Variants in UNC5C observed in about 807,000 individuals in gnomAD.
The protein encoded by UNC5C is netrin receptor UNC5C.
In UNC5C, 47 loss-of-function variants were observed where a neutral mutation model predicts 99.8. The ratio of observed to expected loss-of-function variants is 0.47; its 90% CI spans 0.37 to 0.60. UNC5C has a LOEUF of 0.60. UNC5C is among the 20% of genes least tolerant of loss of function. The probability of loss-of-function intolerance (pLI) is 0.00; values close to 1 mark genes in which losing one functional copy is unlikely to be tolerated. For synonymous variants in UNC5C, 487 were observed against 452.2 expected (o/e 1.08, Z -0.98); for missense variants, 1,062 against 1,165.9 (o/e 0.91, Z 1.30).
intron 2 of UNC5C, among the ~76,000 whole-genome samples, chr4:95,313,905 C>CT (rs1459470742): frequency 5.9e-5 from 9 of 152,174 alleles, no homozygotes; most frequent in Non-Finnish European, 1.3e-4. Context: ...TATTGGCTGA[C>CT]TTTTGGCAAA....
intron 3 of UNC5C, among the ~76,000 whole-genome samples, chr4:95,286,247 G>C (rs1741230952): frequency 1.3e-5 from 2 of 152,134 alleles, no homozygotes; most frequent in Non-Finnish European, 2.9e-5. Flanking sequence ...ATAATTGAAG[G>C]TGATGTTTCA....
chr4:95,361,081 G>A (rs951341391), intron 1 of UNC5C, among the ~76,000 whole-genome samples: 1 of 152,222 alleles, frequency 6.6e-6, no homozygotes, highest in East Asian at 1.9e-4. Context: ...GTTTGAGAGA[G>A]CAATGGATTG....
intron 1 of UNC5C, among the ~76,000 whole-genome samples, chr4:95,530,244 T>C (rs1030035330): frequency 1.3e-5 from 2 of 152,174 alleles, no homozygotes; most frequent in Admixed American, 1.3e-4. Flanking sequence ...ATGATTGACT[T>C]TTCCATTTGT....
At chr4:95,273,451 T>A (rs546258666) in intron 4 of UNC5C, among the ~76,000 whole-genome samples, 1 of 152,360 alleles carries the variant, frequency 6.6e-6, no homozygotes, top group Non-Finnish European at 1.5e-5. Flanking sequence ...TAACATTTTC[T>A]AGGCATAAAA....
At chr4:95,291,417 C>T (rs532344436) in intron 3 of UNC5C, among the ~76,000 whole-genome samples, 1 of 152,306 alleles carries the variant, frequency 6.6e-6, no homozygotes, top group African/African-American at 2.4e-5. Flanking sequence ...ATAAACTTCA[C>T]TTTTCATACA....
chr4:95,315,439 G>T (rs1742438656), intron 2 of UNC5C, among the ~76,000 whole-genome samples: 1 of 152,118 alleles, frequency 6.6e-6, no homozygotes, highest in African/African-American at 2.4e-5. Flanking sequence ...AGAAAAAAAA[G>T]AAAAATGATT....
At chr4:95,229,422 G>A (rs1035374100) in intron 7 of UNC5C, among the ~76,000 whole-genome samples, 20 of 152,026 alleles carry the variant, frequency 1.3e-4, no homozygotes, top group African/African-American at 4.6e-4. Flanking sequence ...GATGGTTTCC[G>A]GCTTCATTCA....
rs997087863 is a variant in UNC5C at position 95,167,614 on chromosome 4, G to T, written c.*1620C>A. ...ACAGAATTTGCAACCAGTCAGGAAG[G>T]CTGGGGGCAGGGGCATCCCAAGAGA... is the stretch of plus-strand genomic sequence containing the variant. On this transcript the variant is annotated 3_prime_UTR_variant, in exon 16 of 16. Coordinates refer to ENST00000453304, the MANE Select transcript of UNC5C (RefSeq NM_003728.4). 6.6e-6 allele frequency: 1 copy of T among 152,198 alleles called. No individual in the cohort carries two copies. The highest frequency in any genetic ancestry group is 1.5e-5 in the Non-Finnish European group (1 of 68,060). 9.4% of individuals were successfully genotyped at this position (152,198 alleles called of 1,614,324 possible). A position where few individuals can be genotyped will look rare whatever the true frequency, so the allele number is the denominator to read the frequency against.
chr4:95,242,445 A>C lies in UNC5C; in HGVS notation c.1092T>G (p.Asp364Glu). Reference sequence around the variant, plus strand: ...TTGACTTACTCTGCATGCAAAGCCCATCAGTGCAGTTCTTGGATTGCAAGA... The same window carrying C: ...TTGACTTACTCTGCATGCAAAGCCCCTCAGTGCAGTTCTTGGATTGCAAGA... ...GLVLQSKNCT[D>E]GLCMQTAPDS... The change falls in exon 7 of 16, where the codon GAT becomes GAG. Residue 364 changes from aspartate (D) to glutamate (E), a missense_variant. Asp to Glu is a conservative substitution (Grantham distance 45). Transcript: ENST00000453304. The C allele has an allele frequency of 1.2e-6, 2 of 1,614,112 alleles. No individual in the cohort carries two copies. Among genetic ancestry groups the C allele is most frequent in the South Asian group, 2.2e-5 (2 of 91,070 alleles).
intron 1 of UNC5C, among the ~76,000 whole-genome samples, chr4:95,390,238 T>A (rs1266004490): frequency 1.3e-5 from 2 of 152,164 alleles, no homozygotes; most frequent in African/African-American, 4.8e-5. Flanking sequence ...AGCCAGGATT[T>A]GTTAAGATGC....
In UNC5C at chr4:95,348,801, T is replaced by C. The variant is rs113187115; in HGVS notation, c.125-13170A>G. Among the ~76,000 whole-genome samples, 350 of 151,684 alleles carry C rather than the reference T, an allele frequency of 2.3e-3. 2 individuals carry two copies. The highest frequency in any genetic ancestry group is 8.0e-3 in the African/African-American group (331 of 41,438). ...TATTTAGTTATAAAAAAAGACTGTT[T>C]CTGTCATTTGCAAAAACACAGGTGG... On this transcript the variant is annotated intron_variant, in intron 1 of 15. Transcript: ENST00000453304.
chr4:95,289,462 A>G (rs1741363326), intron 3 of UNC5C, among the ~76,000 whole-genome samples: 1 of 152,334 alleles, frequency 6.6e-6, no homozygotes, highest in South Asian at 2.1e-4. Context: ...TTAAGCAAAT[A>G]CAGCTGCTGT....
chr4:95,480,578 A>T (rs999001838), intron 1 of UNC5C, among the ~76,000 whole-genome samples: 1 of 151,990 alleles, frequency 6.6e-6, no homozygotes, highest in Non-Finnish European at 1.5e-5. Context: ...GATGATCACA[A>T]TGGAATTCGC....
intron 14 of UNC5C, among the ~76,000 whole-genome samples, chr4:95,174,630 A>C (rs1419643717): frequency 6.6e-6 from 1 of 151,496 alleles, no homozygotes; most frequent in East Asian, 1.9e-4. Flanking sequence ...ATTTCTGTTC[A>C]TTTACATTTG....
chr4:95,231,514 T>A (rs1738911291), intron 7 of UNC5C, among the ~76,000 whole-genome samples: 1 of 152,206 alleles, frequency 6.6e-6, no homozygotes, highest in Non-Finnish European at 1.5e-5. Flanking sequence ...AGATTGTTCC[T>A]CATTTTCTGA....
intron 1 of UNC5C, among the ~76,000 whole-genome samples, chr4:95,496,894 A>T (rs1371645037): frequency 6.6e-6 from 1 of 151,778 alleles, no homozygotes. Context: ...GCATCCTCAT[A>T]GCTTAGCTCC....
At chr4:95,238,061 T>C (rs1739189417) in intron 7 of UNC5C, among the ~76,000 whole-genome samples, 1 of 151,952 alleles carries the variant, frequency 6.6e-6, no homozygotes. Flanking sequence ...CATACATACA[T>C]ACATACCTAC....
At chr4:95,214,024 C>G (rs1738163574) in intron 10 of UNC5C, among the ~76,000 whole-genome samples, 1 of 152,150 alleles carries the variant, frequency 6.6e-6, no homozygotes, top group African/African-American at 2.4e-5. Flanking sequence ...TCCCCTGTGC[C>G]TCAGTTTCTT....
At chr4:95,344,892 A>C (rs2149425822) in intron 1 of UNC5C, among the ~76,000 whole-genome samples, 1 of 152,138 alleles carries the variant, frequency 6.6e-6, no homozygotes, top group African/African-American at 2.4e-5. Flanking sequence ...TGAGGAAAAA[A>C]CCTTCACTAA....
Sources: gnomAD v4.1 joint callset for allele counts (sites outside exome capture counted in the v4.1 genomes callset) on GRCh38, gnomAD v4.1.1 for gene constraint, MANE v1.5 for transcripts, NCBI Gene and HGNC (gene_info 2026-07-23, HGNC 2026-07-21) for gene names.